Variants in SEC23B observed in about 807,000 individuals in gnomAD.
The protein encoded by SEC23B is SEC23 homolog B, COPII component, also known as protein transport protein Sec23B.
A neutral mutation model predicts 104.3 loss-of-function variants in SEC23B; 77 were observed. The observed-to-expected ratio is 0.74, with a 90% CI of 0.61 to 0.89. The LOEUF is 0.89. SEC23B is among the 40% of genes least tolerant of loss of function. SEC23B has a pLI of 0.00. For synonymous variants in SEC23B, 338 were observed against 332.5 expected, an observed-to-expected ratio of 1.02 and a Z score of -0.18; for missense variants, 885 against 949.4, an observed-to-expected ratio of 0.93 and a Z score of 0.89.
chr20:18,553,748 G>C (rs899505115), intron 17 of SEC23B, among the ~76,000 whole-genome samples: 2 of 152,198 alleles, frequency 1.3e-5, no homozygotes, highest in Non-Finnish European at 2.9e-5. Flanking sequence ...GGGGGAGCAG[G>C]GGATGGGGGT....
intron 11 of SEC23B, among the ~76,000 whole-genome samples, chr20:18,533,275 A>G (rs1282046096): frequency 6.6e-6 from 1 of 152,158 alleles, no homozygotes; most frequent in South Asian, 2.1e-4. Context: ...ATCATTTGAG[A>G]TGAGCGGCTT....
chr20:18,527,604 CT>C lies in SEC23B; in HGVS notation c.1104del (p.Thr369LeufsTer6). On this transcript the variant is annotated frameshift_variant, in exon 9 of 20. Transcript: ENST00000650089. LOFTEE classifies it high-confidence loss of function. The stretch of plus-strand genomic sequence containing the variant: ...TTTGGAGATGAAGTGTTGTGCAAAT[CT>C]TACTGGGTATGTTGACAGTGAAAAC... ...GLLEMKCCAN[L>X]TGGYMVMGDS... is the part of the protein sequence containing the mutation. 1 of 1,584,096 alleles carries C rather than the reference CT, an allele frequency of 6.3e-7. No individual in the cohort carries two copies. The highest frequency in any genetic ancestry group is 8.7e-7 in the Non-Finnish European group (1 of 1,152,744).
At chr20:18,555,005 A>G (rs2060422575) in intron 18 of SEC23B, 103 bp from the exon 19 acceptor site, 1 of 896,930 alleles carries the variant, frequency 1.1e-6, no homozygotes, top group African/African-American at 1.7e-5. Flanking sequence ...AACAATTCTA[A>G]TTTAACCAAA....
chr20:18,549,609 C>A (rs935977333), intron 16 of SEC23B, among the ~76,000 whole-genome samples: 2 of 151,508 alleles, frequency 1.3e-5, no homozygotes, highest in Admixed American at 1.3e-4. Context: ...AAAATAGAAA[C>A]GTTTCTAAAT....
intron 4 of SEC23B, 100 bp downstream of exon 4, chr20:18,515,836 G>A (rs1215358194): frequency 3.8e-6 from 3 of 787,452 alleles, no homozygotes; most frequent in African/African-American, 3.4e-5. Flanking sequence ...GGGACTTAAA[G>A]CTGTGAGGGC....
rs554371918 is a variant in SEC23B, at chr20:18,560,579, G to A, written c.2215-72G>A. Reference sequence around the variant, plus strand: ...ACACCTGTGAATGTTCTGAGGGAAGGTGCTTGACAGCTCATGAATTCTAAT... The same window carrying A: ...ACACCTGTGAATGTTCTGAGGGAAGATGCTTGACAGCTCATGAATTCTAAT... On this transcript the variant is annotated intron_variant, in intron 19 of 19. Transcript: ENST00000650089. 58 of 1,168,982 alleles carry A rather than the reference G, an allele frequency of 5.0e-5. No individual in the cohort carries two copies. In the East Asian group the frequency reaches 1.3e-3, roughly 27 times the overall value. The allele number at this position is 1,168,982 out of a possible 1,614,324, so 72.4% of individuals were successfully genotyped here.
At position 18,546,106 on chromosome 20, in the gene SEC23B, A is replaced by G. The variant is rs972468065; in HGVS notation, c.1743+73A>G. The G allele has an allele frequency of 2.1e-5, 19 of 916,994 alleles. No individual in the cohort carries two copies. In the Admixed American group the frequency reaches 3.0e-4, roughly 14 times the overall value. 56.8% of individuals were successfully genotyped at this position (916,994 alleles called of 1,614,324 possible). A position where few individuals can be genotyped will look rare whatever the true frequency, so the allele number is the denominator to read the frequency against. ...TAGAAATTAACTTTATTCTTAGGGT[A>G]AAGTGAAGACTTTTTAATGTGTTGA... On this transcript the variant is annotated intron_variant, in intron 15 of 19. Transcript: ENST00000650089.
At chr20:18,536,776 A>T (rs1160374867) in intron 12 of SEC23B, among the ~76,000 whole-genome samples, 4 of 152,236 alleles carry the variant, frequency 2.6e-5, no homozygotes, top group African/African-American at 9.6e-5. Flanking sequence ...AACCTGACCG[A>T]TAACAGTTGA....
chr20:18,522,544 G>A lies in SEC23B; in HGVS notation c.367-1889G>A, dbSNP rs181512791. On this transcript the variant is annotated intron_variant, in intron 4 of 19. Coordinates refer to ENST00000650089, the MANE Select transcript of SEC23B (RefSeq NM_006363.6). Reference sequence around the variant, plus strand: ...AAATATTCCCTGGGCTAGTTGGTCCGAGGACCTGAGGTCGTAGGCGGATCT... The same window carrying A: ...AAATATTCCCTGGGCTAGTTGGTCCAAGGACCTGAGGTCGTAGGCGGATCT... 1.6e-4 allele frequency among the ~76,000 whole-genome samples: 24 copies of A among 152,286 alleles called. No homozygotes were observed. The East Asian group carries it at 4.0e-3, about 26-fold the overall frequency.
chr20:18,519,116 T>C (rs1254572831), intron 4 of SEC23B, among the ~76,000 whole-genome samples: 1 of 152,164 alleles, frequency 6.6e-6, no homozygotes, highest in Non-Finnish European at 1.5e-5. Context: ...GTGTGGCGAT[T>C]AGGCCTGGTG....
intron 2 of SEC23B, 82 bp from the exon 3 acceptor site, chr20:18,512,143 T>C: frequency 1.2e-6 from 1 of 848,608 alleles, no homozygotes; most frequent in Non-Finnish European, 1.9e-6. Context: ...AATTTACAAA[T>C]GAACGCTTTC....
Position 18,526,483 on chromosome 20 carries a change from G to T in SEC23B, c.945G>T (p.Trp315Cys). ...AATTAAAGATTCCTATTCGTTCTTGGCATGATATTGAGAAAGATAATGCAC... is the reference window on the plus strand; with the variant it reads ...AATTAAAGATTCCTATTCGTTCTTGTCATGATATTGAGAAAGATAATGCAC... Reference protein sequence around the residue: ...GDELKIPIRSWHDIEKDNARF... With the variant: ...GDELKIPIRSCHDIEKDNARF... Residue 315 changes from tryptophan (W) to cysteine (C), a missense_variant, in exon 8 of 20, where the codon TGG becomes TGT. Physicochemically the swap from Trp to Cys is radical, Grantham distance 215 (BLOSUM62 -2). Transcript: ENST00000650089. The T allele has an allele frequency of 6.2e-7, 1 of 1,614,140 alleles. No homozygotes were observed. The highest frequency in any genetic ancestry group is 1.7e-5 in the Admixed American group (1 of 60,016).
chr20:18,544,742 A>G (rs1176446778), intron 14 of SEC23B, among the ~76,000 whole-genome samples: 4 of 152,174 alleles, frequency 2.6e-5, no homozygotes, highest in Non-Finnish European at 5.9e-5. Flanking sequence ...AGAAAAGGCT[A>G]TTGTTGTGAA....
intron 3 of SEC23B, among the ~76,000 whole-genome samples, chr20:18,513,754 A>T (rs2060001466): frequency 6.6e-6 from 1 of 152,192 alleles, no homozygotes; most frequent in East Asian, 1.9e-4. Flanking sequence ...TCTGCTCCCT[A>T]TTACATTTAG....
intron 12 of SEC23B, among the ~76,000 whole-genome samples, chr20:18,542,009 C>T (rs145362607): frequency 3.3e-5 from 5 of 152,330 alleles, no homozygotes; most frequent in African/African-American, 7.2e-5. Context: ...AATCCATCTT[C>T]GTTTTGCTGC....
At chr20:18,532,779 C>T in intron 11 of SEC23B, 35 bp downstream of exon 11, 1 of 1,490,098 alleles carries the variant, frequency 6.7e-7, no homozygotes, top group Non-Finnish European at 9.4e-7. Context: ...TCACCTCCTG[C>T]CCCGGATTTA....
intron 4 of SEC23B, among the ~76,000 whole-genome samples, chr20:18,523,397 C>CTTT (rs112136906): frequency 0.29 from 38,319 of 130,364 alleles, 6,053 homozygotes; most frequent in Non-Finnish European, 0.35. Flanking sequence ...TCTTTCCTTT[C>CTTT]TTTTTTTTTT....
chr20:18,525,923 C>T lies in SEC23B; in HGVS notation c.825C>T (p.Gly275=), dbSNP rs374012701. The change falls in exon 7 of 20, where the codon GGC becomes GGT. Residue 275 remains glycine (G), a synonymous_variant. Coordinates refer to ENST00000650089, the MANE Select transcript of SEC23B (RefSeq NM_006363.6). The stretch of plus-strand genomic sequence containing the variant: ...GTGTGGCTTTGTCCATTGCTGTTGG[C>T]TTGCTGGAGGTAATTTAAAATTTAC... The part of the protein sequence containing the change: ...STGVALSIAV[G]LLEGTFPNTG... The T allele has an allele frequency of 3.7e-6, 6 of 1,614,048 alleles. No individual in the cohort carries two copies. The highest frequency in any genetic ancestry group is 1.3e-5 in the African/African-American group (1 of 74,926).
At chr20:18,549,318 A>G (rs993196775) in intron 16 of SEC23B, among the ~76,000 whole-genome samples, 2 of 152,188 alleles carry the variant, frequency 1.3e-5, no homozygotes, top group Non-Finnish European at 2.9e-5. Flanking sequence ...ACATCCTCCT[A>G]TATACTTTAA....
Sources: gnomAD v4.1 joint callset for allele counts (sites outside exome capture counted in the v4.1 genomes callset) on GRCh38, gnomAD v4.1.1 for gene constraint, MANE v1.5 for transcripts, NCBI Gene and HGNC (gene_info 2026-07-23, HGNC 2026-07-21) for gene names.